STX8: variants seen among roughly 807,000 people sequenced by gnomAD.
The protein encoded by STX8 is syntaxin-8.
A neutral mutation model predicts 37.5 loss-of-function variants in STX8; 23 were observed. The ratio of observed to expected loss-of-function variants is 0.61; its 90% CI spans 0.44 to 0.87. The LOEUF is 0.87. Ranked by LOEUF, STX8 falls within the 40% of genes least tolerant of loss-of-function variation. The probability of loss-of-function intolerance (pLI) is 0.00; values close to 1 mark genes in which losing one functional copy is unlikely to be tolerated. For missense variants in STX8, 313 were observed against 284.7 expected (o/e 1.10, Z -0.71); for synonymous variants, 115 against 99.1 (o/e 1.16, Z -0.95).
At chr17:9,361,681 T>C (rs1297048459) in intron 7 of STX8, among the ~76,000 whole-genome samples, 2 of 152,254 alleles carry the variant, frequency 1.3e-5, no homozygotes, top group Non-Finnish European at 2.9e-5. Context: ...TTAACAGTGA[T>C]TGTTTCTTGT....
chr17:9,365,328 T>C (rs1381452440), intron 7 of STX8, among the ~76,000 whole-genome samples: 1 of 152,268 alleles, frequency 6.6e-6, no homozygotes, highest in Non-Finnish European at 1.5e-5. Flanking sequence ...AGTTTGCCAC[T>C]GGAGATAATC....
intron 7 of STX8, among the ~76,000 whole-genome samples, chr17:9,353,751 T>C (rs1285167414): frequency 6.6e-6 from 1 of 152,218 alleles, no homozygotes; most frequent in African/African-American, 2.4e-5. Flanking sequence ...TTTAAGTCAC[T>C]TACATTCTTC....
intron 7 of STX8, among the ~76,000 whole-genome samples, chr17:9,304,507 C>CAAAAAAAAAAAAAAAA (rs35673905): frequency 3.5e-5 from 2 of 56,884 alleles, no homozygotes; most frequent in Admixed American, 2.1e-4. Flanking sequence ...GAAACTGTCT[C>CAAAAAAAAAAAAAAAA]AAAAAAAAAA....
In STX8 at chr17:9,316,405, A is replaced by G. The variant is rs375532159; in HGVS notation, c.643+62147T>C. Among the ~76,000 whole-genome samples, 216 of 152,226 alleles carry G rather than the reference A, an allele frequency of 1.4e-3. 1 individual carries two copies. Among genetic ancestry groups the G allele is most frequent in the African/African-American group, 4.7e-3 (196 of 41,542 alleles). On this transcript the variant is annotated intron_variant, in intron 7 of 7. Transcript: ENST00000306357. Reference sequence around the variant, plus strand: ...AGGTTTGAACTTTCAGCCCCATCCCATGACCTCCGGGAAGAGGAGAGCAGC... The same window carrying G: ...AGGTTTGAACTTTCAGCCCCATCCCGTGACCTCCGGGAAGAGGAGAGCAGC...
chr17:9,549,522 C>T (rs1396330346), intron 3 of STX8, among the ~76,000 whole-genome samples: 1 of 152,202 alleles, frequency 6.6e-6, no homozygotes, highest in Admixed American at 6.5e-5. Context: ...GGCTTTTCCA[C>T]CAAACATTCT....
chr17:9,376,780 C>T (rs867619984), intron 7 of STX8, among the ~76,000 whole-genome samples: 2 of 152,308 alleles, frequency 1.3e-5, no homozygotes, highest in East Asian at 1.9e-4. Context: ...CCGGACACAC[C>T]ATCTTCAAGA....
At chr17:9,308,719 G>A (rs1387144010) in intron 7 of STX8, among the ~76,000 whole-genome samples, 1 of 90,512 alleles carries the variant, frequency 1.1e-5, no homozygotes, top group African/African-American at 4.9e-5. Flanking sequence ...GTGAAACTCC[G>A]TCAAAAAAAA....
chr17:9,433,844 G>A (rs937313023), intron 6 of STX8, among the ~76,000 whole-genome samples: 7 of 152,106 alleles, frequency 4.6e-5, no homozygotes, highest in South Asian at 2.1e-4. Flanking sequence ...TTTGAACTAC[G>A]GTTGTGTGTG....
At chr17:9,441,413 C>A (rs1904646256) in intron 6 of STX8, among the ~76,000 whole-genome samples, 1 of 151,406 alleles carries the variant, frequency 6.6e-6, no homozygotes, top group Non-Finnish European at 1.5e-5. Context: ...TCACTTGAAC[C>A]CAGGAGGCAG....
chr17:9,290,062 A>G (rs972632508), intron 7 of STX8, among the ~76,000 whole-genome samples: 1 of 152,220 alleles, frequency 6.6e-6, no homozygotes, highest in African/African-American at 2.4e-5. Context: ...GACAGCTTCT[A>G]GAATTGCAAG....
In STX8 at chr17:9,416,091, C is replaced by T. The variant is rs146130746; in HGVS notation, c.542-37438G>A. 1.1e-3 allele frequency among the ~76,000 whole-genome samples: 172 copies of T among 152,334 alleles called. 1 individual carries two copies. Among genetic ancestry groups the T allele is most frequent in the African/African-American group, 3.9e-3 (164 of 41,570 alleles). On this transcript the variant is annotated intron_variant, in intron 6 of 7. Coordinates refer to ENST00000306357, the MANE Select transcript of STX8 (RefSeq NM_004853.3). Reference sequence around the variant, plus strand: ...TCCCTATCTCCAAGTGTCTCCAGAGCTGTGCTGACGTGAAGGTTTCCTGTT... The same window carrying T: ...TCCCTATCTCCAAGTGTCTCCAGAGTTGTGCTGACGTGAAGGTTTCCTGTT...
intron 6 of STX8, 41 bp from the exon 7 acceptor site, chr17:9,378,694 C>G: frequency 6.9e-7 from 1 of 1,450,800 alleles, no homozygotes; most frequent in Non-Finnish European, 9.7e-7. Context: ...CTGAAATACC[C>G]CGGTTCACAT....
At chr17:9,524,761 G>T (rs1044002354) in intron 4 of STX8, among the ~76,000 whole-genome samples, 3 of 137,618 alleles carry the variant, frequency 2.2e-5, no homozygotes, top group Non-Finnish European at 4.6e-5. Flanking sequence ...CACCTATTTT[G>T]ATTTGTTTTG....
intron 7 of STX8, among the ~76,000 whole-genome samples, chr17:9,271,610 C>T (rs1172640142): frequency 6.6e-6 from 1 of 151,988 alleles, no homozygotes; most frequent in Admixed American, 6.6e-5. Context: ...ATTAGATGGG[C>T]GTGGTAGCAC....
intron 6 of STX8, among the ~76,000 whole-genome samples, chr17:9,379,551 G>A (rs191322165): frequency 1.3e-5 from 2 of 152,324 alleles, no homozygotes; most frequent in Non-Finnish European, 2.9e-5. Context: ...CTCTCGCAAC[G>A]AGGCATATCG....
At chr17:9,531,764 G>C (rs1291513308) in intron 4 of STX8, among the ~76,000 whole-genome samples, 1 of 151,408 alleles carries the variant, frequency 6.6e-6, no homozygotes, top group Non-Finnish European at 1.5e-5. Context: ...ATGTTTTATA[G>C]TTTTCAGTGT....
chr17:9,456,696 T>C (rs1905195430), intron 6 of STX8, among the ~76,000 whole-genome samples: 1 of 152,172 alleles, frequency 6.6e-6, no homozygotes, highest in Non-Finnish European at 1.5e-5. Flanking sequence ...TGGAGGTCAC[T>C]ATAGGAAATG....
At chr17:9,277,963 G>A (rs1044121628) in intron 7 of STX8, among the ~76,000 whole-genome samples, 5 of 152,158 alleles carry the variant, frequency 3.3e-5, no homozygotes, top group Non-Finnish European at 7.3e-5. Flanking sequence ...CAAGTGAAGG[G>A]TTTAAGCAGG....
chr17:9,264,484 G>A (rs1455978920), intron 7 of STX8, among the ~76,000 whole-genome samples: 1 of 152,112 alleles, frequency 6.6e-6, no homozygotes, highest in African/African-American at 2.4e-5. Context: ...TTTAAATTTT[G>A]TGTAGAGATG....
Sources: allele counts gnomAD v4.1 joint callset (sites outside exome capture counted in the v4.1 genomes callset), GRCh38; gene constraint gnomAD v4.1.1; transcripts MANE v1.5; gene names NCBI Gene and HGNC (gene_info 2026-07-23, HGNC 2026-07-21).